Variants in SORCS1 observed in about 807,000 individuals in gnomAD.
The protein encoded by SORCS1 is sortilin related VPS10 domain containing receptor 1.
Under a neutral mutation model 146.1 loss-of-function variants are expected in SORCS1, and 60 were observed. The ratio of observed to expected loss-of-function variants is 0.41; its 90% CI spans 0.33 to 0.51. The LOEUF (loss-of-function observed/expected upper bound fraction) is 0.51, where lower values mean the gene tolerates loss of function less well. Ranked by LOEUF, SORCS1 falls within the 20% of genes least tolerant of loss-of-function variation. The probability of loss-of-function intolerance (pLI) is 0.21; values close to 1 mark genes in which losing one functional copy is unlikely to be tolerated. For missense variants in SORCS1, 1,352 were observed against 1,487.6 expected (o/e 0.91, Z 1.50); for synonymous variants, 637 against 584.0 (o/e 1.09, Z -1.31).
intron 23 of SORCS1, among the ~76,000 whole-genome samples, chr10:106,606,500 C>T (rs531172737): frequency 3.0e-4 from 45 of 152,328 alleles, no homozygotes; most frequent in Middle Eastern, 3.4e-3. Flanking sequence ...TTGCTTCTCA[C>T]GGCATTCTTG....
intron 17 of SORCS1, among the ~76,000 whole-genome samples, chr10:106,659,266 C>T (rs7068978): frequency 0.15 from 23,266 of 152,126 alleles, 2,425 homozygotes; most frequent in East Asian, 0.31. Context: ...AAGAAGAAAG[C>T]TTCTCTTGCA....
chr10:106,709,221 A>G lies in SORCS1; in HGVS notation c.1143+2T>C. 2 of 1,607,370 alleles carry G rather than the reference A, an allele frequency of 1.2e-6. No individual in the cohort carries two copies. The highest frequency in any genetic ancestry group is 1.7e-5 in the Admixed American group (1 of 59,564). ...CAATCAACAGAAGTGGATTTTTCCT[A>G]CCTGAACAAACACATAATGATCCTG... On this transcript the variant is annotated splice_donor_variant, in intron 7 of 25. Coordinates refer to ENST00000263054, the MANE Select transcript of SORCS1 (RefSeq NM_052918.5). LOFTEE classifies it high-confidence loss of function.
intron 1 of SORCS1, among the ~76,000 whole-genome samples, chr10:107,025,585 G>A (rs1958365041): frequency 6.6e-6 from 1 of 152,180 alleles, no homozygotes; most frequent in Non-Finnish European, 1.5e-5. Flanking sequence ...CTGGATACAA[G>A]CCCCAAAACA....
At chr10:106,969,688 C>T (rs1322172321) in intron 1 of SORCS1, among the ~76,000 whole-genome samples, 6 of 152,168 alleles carry the variant, frequency 3.9e-5, no homozygotes, top group Admixed American at 2.6e-4. Flanking sequence ...GATAGACATA[C>T]GTTTGTTCTG....
At chr10:106,976,328 T>TTTTTTTTTTTG (rs1564877804) in intron 1 of SORCS1, among the ~76,000 whole-genome samples, 1 of 105,818 alleles carries the variant, frequency 9.5e-6, no homozygotes, top group African/African-American at 6.2e-5. Context: ...CATCTAGGTT[T>TTTTTTTTTTTG]TTTTGTTTTT....
chr10:106,868,721 TTA>T (rs1950306599), intron 2 of SORCS1, among the ~76,000 whole-genome samples: 1 of 152,132 alleles, frequency 6.6e-6, no homozygotes, highest in Non-Finnish European at 1.5e-5. Flanking sequence ...AATTTCTGCA[TTA>T]AATGCCCACA....
intron 1 of SORCS1, among the ~76,000 whole-genome samples, chr10:107,108,737 T>C (rs139959939): frequency 1.3e-5 from 2 of 152,192 alleles, no homozygotes; most frequent in African/African-American, 4.8e-5. Flanking sequence ...CATTCTAGCA[T>C]CAACTCAAAA....
intron 7 of SORCS1, among the ~76,000 whole-genome samples, chr10:106,707,130 T>C (rs911579): frequency 0.81 from 122,851 of 151,806 alleles, 51,900 homozygotes; most frequent in Non-Finnish European, 0.94. Context: ...GCATATTAGA[T>C]GGAAAACCAG....
Position 106,989,862 on chromosome 10 carries a change from A to G in SORCS1, c.559-33282T>C, listed in dbSNP as rs146919720. 5.0e-3 allele frequency among the ~76,000 whole-genome samples: 748 copies of G among 150,802 alleles called. 10 individuals are homozygous for G. Among genetic ancestry groups the G allele is most frequent in the African/African-American group, 0.017 (709 of 40,998 alleles). ...CCACCACGCCTGGCTAATTTTTTGT[A>G]TTTTTAGTACAGACGGGGTTTAACC... On this transcript the variant is annotated intron_variant, in intron 1 of 25. Transcript: ENST00000263054.
chr10:106,767,014 C>T (rs78522525), intron 4 of SORCS1, among the ~76,000 whole-genome samples: 2,431 of 152,234 alleles, frequency 0.016, 89 homozygotes, highest in African/African-American at 0.056. Flanking sequence ...CCCAGTTTGG[C>T]TGGGATACAT....
chr10:106,752,467 A>T (rs2136194039), intron 5 of SORCS1, among the ~76,000 whole-genome samples: 1 of 152,352 alleles, frequency 6.6e-6, no homozygotes, highest in Admixed American at 6.5e-5. Flanking sequence ...GACAGATATA[A>T]GAAGTATTGA....
intron 23 of SORCS1, among the ~76,000 whole-genome samples, chr10:106,606,272 TATACACACACACACACACACAC>T (rs1181305837): frequency 5.7e-4 from 62 of 107,844 alleles, no homozygotes; most frequent in African/African-American, 1.5e-3. Flanking sequence ...CACACACAGA[TATACACACACACACACACACAC>T]ACACACACAC....
intron 21 of SORCS1, among the ~76,000 whole-genome samples, chr10:106,614,133 C>T (rs1564778645): frequency 6.6e-6 from 1 of 152,174 alleles, no homozygotes; most frequent in Non-Finnish European, 1.5e-5. Flanking sequence ...CCTTGTCTAG[C>T]ACACAGTAGG....
chr10:106,608,888 T>C (rs918486358), intron 22 of SORCS1, among the ~76,000 whole-genome samples: 15 of 152,172 alleles, frequency 9.9e-5, no homozygotes, highest in African/African-American at 2.7e-4. Flanking sequence ...TTGTCTTAAA[T>C]TGGGCTGAGA....
At chr10:106,695,414 C>A (rs546050468) in intron 9 of SORCS1, among the ~76,000 whole-genome samples, 1 of 152,302 alleles carries the variant, frequency 6.6e-6, no homozygotes, top group African/African-American at 2.4e-5. Flanking sequence ...TGTCACTCTT[C>A]CACAACCAAA....
intron 18 of SORCS1, among the ~76,000 whole-genome samples, chr10:106,645,029 G>C (rs1464334893): frequency 2.6e-5 from 4 of 152,120 alleles, no homozygotes; most frequent in African/African-American, 7.2e-5. Context: ...TGTTCAGCTA[G>C]AGCAGTTAAT....
Position 106,577,362 on chromosome 10 carries a change from G to C in SORCS1, c.*58C>G. On this transcript the variant is annotated 3_prime_UTR_variant, in exon 26 of 26. Coordinates refer to ENST00000263054, the MANE Select transcript of SORCS1 (RefSeq NM_052918.5). ...AGTGGTCATGAAGGATGATGTACTT[G>C]ACAAGAGCGAAATTCTTTCCTGATC... 6.2e-7 allele frequency: 1 copy of C among 1,612,568 alleles called. No homozygotes were observed. Among genetic ancestry groups the C allele is most frequent in the South Asian group, 1.1e-5 (1 of 90,836 alleles).
At chr10:106,797,488 C>T (rs1208696224) in intron 3 of SORCS1, among the ~76,000 whole-genome samples, 1 of 151,798 alleles carries the variant, frequency 6.6e-6, no homozygotes, top group Non-Finnish European at 1.5e-5. Flanking sequence ...GAATACAATC[C>T]TTTTCCAATT....
intron 1 of SORCS1, among the ~76,000 whole-genome samples, chr10:106,986,600 A>G (rs187173868): frequency 6.6e-6 from 1 of 150,500 alleles, no homozygotes; most frequent in East Asian, 2.0e-4. Flanking sequence ...CCTCACTGGT[A>G]CTCTATGTAC....
Sources: gnomAD v4.1 joint callset for allele counts (sites outside exome capture counted in the v4.1 genomes callset) on GRCh38, gnomAD v4.1.1 for gene constraint, MANE v1.5 for transcripts, NCBI Gene and HGNC (gene_info 2026-07-23, HGNC 2026-07-21) for gene names.